The following CNTLN variants were observed in gnomAD, a reference collection of about 807,000 sequenced individuals.
The protein encoded by CNTLN is centlein, centrosomal protein.
A neutral mutation model predicts 180.0 loss-of-function variants in CNTLN; 212 were observed. The observed-to-expected ratio is 1.18, with a 90% CI of 1.05 to 1.32. The LOEUF is 1.32. Ranked by LOEUF, CNTLN falls within the 40% of genes most tolerant of loss-of-function variation. The pLI is 0.00. For missense variants in CNTLN, 2,095 were observed against 1,610.9 expected (o/e 1.30, Z -5.14); for synonymous variants, 722 against 563.1 (o/e 1.28, Z -3.99).
At chr9:17,214,567 C>G (rs1435556667) in intron 2 of CNTLN, among the ~76,000 whole-genome samples, 1 of 152,028 alleles carries the variant, frequency 6.6e-6, no homozygotes, top group Non-Finnish European at 1.5e-5. Flanking sequence ...ATCTTTGTGG[C>G]GTTCTCTGTA....
intron 6 of CNTLN, among the ~76,000 whole-genome samples, chr9:17,296,867 C>A (rs543848735): frequency 6.6e-6 from 1 of 152,124 alleles, no homozygotes; most frequent in African/African-American, 2.4e-5. Flanking sequence ...CTCTAAGGAG[C>A]GGAACTCCTT....
the CNTLN span, among the ~76,000 whole-genome samples, chr9:17,521,008 G>A: frequency 6.6e-6 from 1 of 152,134 alleles, no homozygotes; most frequent in Non-Finnish European, 1.5e-5. Flanking sequence ...ACTTGCACTA[G>A]AATTGAAAAC....
At chr9:17,303,383 C>G (rs1818501490) in intron 7 of CNTLN, among the ~76,000 whole-genome samples, 1 of 152,086 alleles carries the variant, frequency 6.6e-6, no homozygotes, top group South Asian at 2.1e-4. Context: ...GATTTCATTG[C>G]TCTCTTTTTG....
chr9:17,135,731 T>G (rs1775916352), intron 1 of CNTLN, among the ~76,000 whole-genome samples: 1 of 152,206 alleles, frequency 6.6e-6, no homozygotes, highest in African/African-American at 2.4e-5. Flanking sequence ...GCCCAAGTTC[T>G]TGGTGGTGAC....
At chr9:17,440,637 A>G (rs1312329634) in intron 18 of CNTLN, among the ~76,000 whole-genome samples, 1 of 151,950 alleles carries the variant, frequency 6.6e-6, no homozygotes, top group East Asian at 1.9e-4. Context: ...AAAAACTTGT[A>G]CATTAATTGA....
chr9:17,491,821 A>C (rs999435956), intron 25 of CNTLN, among the ~76,000 whole-genome samples: 2 of 151,940 alleles, frequency 1.3e-5, no homozygotes, highest in Admixed American at 6.6e-5. Context: ...TCTCTGCAAA[A>C]TATGCTTACC....
intron 2 of CNTLN, among the ~76,000 whole-genome samples, chr9:17,185,211 G>A (rs1427505863): frequency 6.6e-6 from 1 of 152,112 alleles, no homozygotes; most frequent in Non-Finnish European, 1.5e-5. Flanking sequence ...GGTGAAGTGT[G>A]TATTCTTTAA....
intron 22 of CNTLN, 81 bp from the exon 23 acceptor site, chr9:17,466,625 T>C (rs1831765415): frequency 9.4e-7 from 1 of 1,065,424 alleles, no homozygotes; most frequent in African/African-American, 1.6e-5. Flanking sequence ...TAAAATATTT[T>C]CCTTATTTGA....
intron 2 of CNTLN, among the ~76,000 whole-genome samples, chr9:17,161,704 C>T (rs1401572613): frequency 6.6e-6 from 1 of 152,148 alleles, no homozygotes; most frequent in Admixed American, 6.5e-5. Context: ...TATTATTTGC[C>T]TGCTAAAATT....
chr9:17,337,493 TTGG>T (rs1217413868), intron 10 of CNTLN, among the ~76,000 whole-genome samples: 242 of 152,280 alleles, frequency 1.6e-3, no homozygotes, highest in African/African-American at 5.5e-3. Context: ...TCAAAATTAT[TTGG>T]TAATATTGAA....
chr9:17,436,280 G>A (rs963714498), intron 18 of CNTLN, among the ~76,000 whole-genome samples: 8 of 152,144 alleles, frequency 5.3e-5, no homozygotes, highest in Non-Finnish European at 1.2e-4. Context: ...GTCTGAGTCA[G>A]ATCCAGCTAA....
At position 17,415,954 on chromosome 9, in the gene CNTLN, G is replaced by T. The variant is rs1444033991; in HGVS notation, c.2891-12G>T. ...TAATTTTTAAAATATGAACAATATT[G>T]TTTTTATGTAGTCAACAGAGAAAAG... is the stretch of plus-strand genomic sequence containing the variant. On this transcript the variant is annotated splice_polypyrimidine_tract_variant and intron_variant, in intron 17 of 25. Transcript: ENST00000380647. 1 of 1,595,376 alleles carries T rather than the reference G, an allele frequency of 6.3e-7. No homozygotes were observed. Among genetic ancestry groups the T allele is most frequent in the East Asian group, 2.2e-5 (1 of 44,588 alleles).
intron 6 of CNTLN, among the ~76,000 whole-genome samples, chr9:17,290,089 A>C (rs1272976253): frequency 1.3e-5 from 2 of 152,108 alleles, no homozygotes; most frequent in South Asian, 4.1e-4. Context: ...GGCGCTCTGC[A>C]TTTAAGAGTG....
At chr9:17,250,284 A>G (rs973559482) in intron 5 of CNTLN, among the ~76,000 whole-genome samples, 2 of 151,964 alleles carry the variant, frequency 1.3e-5, no homozygotes, top group African/African-American at 4.8e-5. Context: ...TGTAGATAAC[A>G]TATTGTTGTA....
chr9:17,304,103 G>A (rs1413419), intron 7 of CNTLN, among the ~76,000 whole-genome samples: 27,552 of 151,992 alleles, frequency 0.18, 2,858 homozygotes, highest in South Asian at 0.28. Flanking sequence ...AGTTGTCCCA[G>A]GTGGTAGGAT....
At chr9:17,221,222 T>G (rs1460520434) in intron 2 of CNTLN, among the ~76,000 whole-genome samples, 2 of 152,088 alleles carry the variant, frequency 1.3e-5, no homozygotes, top group East Asian at 3.8e-4. Context: ...TTTGAGATAA[T>G]ATATTAGTGA....
chr9:17,464,750 A>T, intron 21 of CNTLN, 127 bp downstream of exon 21: 1 of 547,976 alleles, frequency 1.8e-6, no homozygotes, highest in Non-Finnish European at 3.0e-6. Context: ...ACTGTTACAA[A>T]GTAACACTCT....
chr9:17,148,222 A>G (rs539489994), intron 2 of CNTLN, among the ~76,000 whole-genome samples: 42 of 152,336 alleles, frequency 2.8e-4, no homozygotes, highest in Admixed American at 7.2e-4. Flanking sequence ...CAAATCCTAG[A>G]TATCATGCTA....
intron 5 of CNTLN, among the ~76,000 whole-genome samples, chr9:17,253,882 T>C (rs1170154665): frequency 6.6e-6 from 1 of 151,554 alleles, no homozygotes; most frequent in Non-Finnish European, 1.5e-5. Context: ...TCCTTAATTT[T>C]TCCCCATTTA....
Sources: allele counts gnomAD v4.1 joint callset (sites outside exome capture counted in the v4.1 genomes callset), GRCh38; gene constraint gnomAD v4.1.1; transcripts MANE v1.5; gene names NCBI Gene and HGNC (gene_info 2026-07-23, HGNC 2026-07-21).